Variants in FHIP2A observed in about 807,000 individuals in gnomAD.
FHIP2A encodes the protein FHF complex subunit HOOK interacting protein 2A.
A neutral mutation model predicts 93.5 loss-of-function variants in FHIP2A; 46 were observed. The ratio of observed to expected loss-of-function variants is 0.49; its 90% confidence interval spans 0.39 to 0.63. FHIP2A has a LOEUF of 0.63. FHIP2A is among the 20% of genes least tolerant of loss of function. The pLI is 0.00. For missense variants in FHIP2A, 769 were observed against 909.7 expected, an observed-to-expected ratio of 0.85 and a Z score of 1.99; for synonymous variants, 332 against 326.5, an observed-to-expected ratio of 1.02 and a Z score of -0.18.
chr10:114,825,117 A>AAACGATTCTCCTGCCTCAGCCTCC (rs1328058783), intron 1 of FHIP2A, among the ~76,000 whole-genome samples: 1 of 152,228 alleles, frequency 6.6e-6, no homozygotes, highest in Non-Finnish European at 1.5e-5. Context: ...TCCAGGGCTC[A>AAACGATTCTCCTGCCTCAGCCTCC]AACGATTCTC....
intron 13 of FHIP2A, among the ~76,000 whole-genome samples, chr10:114,851,965 T>A (rs1173872973): frequency 2.0e-5 from 3 of 152,178 alleles, no homozygotes; most frequent in Non-Finnish European, 4.4e-5. Flanking sequence ...TAAGTGAAAT[T>A]ATTTTGTGAA....
At chr10:114,851,736 A>G (rs1053866921) in intron 13 of FHIP2A, among the ~76,000 whole-genome samples, 2 of 148,388 alleles carry the variant, frequency 1.3e-5, no homozygotes, top group East Asian at 3.9e-4. Context: ...AAAAAAAAAA[A>G]GCAATTGAAA....
chr10:114,854,144 T>A (rs1005931981), intron 13 of FHIP2A, among the ~76,000 whole-genome samples: 4 of 152,006 alleles, frequency 2.6e-5, no homozygotes, highest in Admixed American at 2.0e-4. Flanking sequence ...AGGGTTTTTT[T>A]TTTTTTTTTT....
intron 1 of FHIP2A, among the ~76,000 whole-genome samples, chr10:114,827,507 C>G (rs2083583332): frequency 6.6e-6 from 1 of 152,100 alleles, no homozygotes; most frequent in African/African-American, 2.4e-5. Context: ...TAAAGAGTAT[C>G]AAGGCATAGG....
At chr10:114,883,579 T>G (rs1347298771) in intron 16 of FHIP2A, among the ~76,000 whole-genome samples, 1 of 152,164 alleles carries the variant, frequency 6.6e-6, no homozygotes, top group Non-Finnish European at 1.5e-5. Context: ...TTTATTTTTT[T>G]GTTTGTTTGT....
chr10:114,846,719 C>T lies in FHIP2A; in HGVS notation c.1559C>T (p.Ala520Val). The change falls in exon 11 of 17, where the codon GCA becomes GTA. Residue 520 changes from alanine (A) to valine (V), a missense_variant. Ala to Val is a moderately conservative substitution (Grantham distance 64). Transcript: ENST00000369248. ...DKDVVENGLI[A>V]GAVDLEEDPL... ...GATGTGGTAGAAAATGGATTGATAG[C>T]AGGAGCAGTGTAAGTTTCCATCCAA... The T allele has an allele frequency of 6.3e-7, 1 of 1,596,264 alleles. No homozygotes were observed. Among genetic ancestry groups the T allele is most frequent in the African/African-American group, 1.3e-5 (1 of 74,138 alleles).
chr10:114,836,242 T>C lies in FHIP2A; in HGVS notation c.518T>C (p.Leu173Pro). ...KQDPYLVNFF[L>P]ENKMKSLASK... ...GACCCCTACCTGGTTAACTTTTTCCTAGAGGTATGATACACTTTTTATCAA... is the reference window on the plus strand; with the variant it reads ...GACCCCTACCTGGTTAACTTTTTCCCAGAGGTATGATACACTTTTTATCAA... Residue 173 changes from leucine to proline, a missense_variant, in exon 5 of 17, where the codon CTA becomes CCA. Physicochemically the swap from Leu to Pro is moderately conservative, Grantham distance 98. Transcript: ENST00000369248. The C allele has an allele frequency of 1.3e-6, 2 of 1,589,704 alleles. No homozygotes were observed. The highest frequency in any genetic ancestry group is 1.7e-6 in the Non-Finnish European group (2 of 1,163,010).
chr10:114,848,673 C>G lies in FHIP2A; in HGVS notation c.1739C>G (p.Ala580Gly). ...NSFLCLVPDDAKSSYHVEGTG... is the reference protein window; with the variant it reads ...NSFLCLVPDDGKSSYHVEGTG... The stretch of plus-strand genomic sequence containing the variant: ...TTTCTCTGTCTGGTACCGGATGACG[C>G]AAAATCCTCCTACCATGTTGAGGGC... The change falls in exon 13 of 17, where the codon GCA (alanine) becomes GGA (glycine). Residue 580 changes from alanine to glycine, a missense_variant. Ala to Gly is a moderately conservative substitution (Grantham distance 60). Transcript: ENST00000369248. The G allele has an allele frequency of 6.2e-7, 1 of 1,612,908 alleles. No individual in the cohort carries two copies.
Position 114,864,394 on chromosome 10 carries a change from T to C in FHIP2A, c.*2854T>C, listed in dbSNP as rs2083818180. 8 of 985,522 alleles carry C rather than the reference T, an allele frequency of 8.1e-6. No homozygotes were observed. Among genetic ancestry groups the C allele is most frequent in the Non-Finnish European group, 9.6e-6 (8 of 829,688 alleles). 61.0% of individuals were successfully genotyped at this position (985,522 alleles called of 1,614,324 possible). A position where few individuals can be genotyped will look rare whatever the true frequency, so the allele number is the denominator to read the frequency against. ...TCAAATATGCATGTCATTGTGACAC[T>C]TTATGTGTTAAAACATGGTAGATAA... On this transcript the variant is annotated 3_prime_UTR_variant, in exon 17 of 17. Transcript: ENST00000369248.
intron 14 of FHIP2A, among the ~76,000 whole-genome samples, chr10:114,859,552 T>C (rs989106498): frequency 6.6e-6 from 1 of 152,198 alleles, no homozygotes; most frequent in African/African-American, 2.4e-5. Flanking sequence ...CTCCTCACTG[T>C]AGTTAGTTTT....
rs1207377336 is a variant in FHIP2A, at chr10:114,847,184, G to T, written c.1663G>T (p.Asp555Tyr). Residue 555 changes from aspartate (D) to tyrosine (Y), a missense_variant, in exon 12 of 17, where the codon GAC becomes TAC. By Grantham distance (160) the Asp-to-Tyr change is radical (BLOSUM62 -3). Transcript: ENST00000369248. ...TAGTTCTTCACCTCCTGCTACTCCA[G>T]ACCACCCCAAAAATGATGGAAAAAC... ...WLSSSPPATP[D>Y]HPKNDGKTEV... 1.9e-6 allele frequency: 3 copies of T among 1,613,618 alleles called. No individual in the cohort carries two copies. Among genetic ancestry groups the T allele is most frequent in the African/African-American group, 1.3e-5 (1 of 74,990 alleles).
chr10:114,879,133 A>C (rs1365974670), intron 16 of FHIP2A, among the ~76,000 whole-genome samples: 1 of 152,246 alleles, frequency 6.6e-6, no homozygotes, highest in East Asian at 1.9e-4. Flanking sequence ...TGAGAGAAGT[A>C]AAGTCACATT....
At position 114,864,322 on chromosome 10, in the gene FHIP2A, G is replaced by A. The variant is rs1171163025; in HGVS notation, c.*2782G>A. 2 of 985,434 alleles carry A rather than the reference G, an allele frequency of 2.0e-6. No individual in the cohort carries two copies. The highest frequency in any genetic ancestry group is 2.4e-6 in the Non-Finnish European group (2 of 829,700). 61.0% of individuals were successfully genotyped at this position (985,434 alleles called of 1,614,324 possible). A position where few individuals can be genotyped will look rare whatever the true frequency, so the allele number is the denominator to read the frequency against. ...TTGACAGAAGACGTTACAGTGAAGT[G>A]CTAAAACCACACTATATGGTAATTA... On this transcript the variant is annotated 3_prime_UTR_variant, in exon 17 of 17. Coordinates refer to ENST00000369248, the MANE Select transcript of FHIP2A (RefSeq NM_020940.4).
chr10:114,895,648 AAATTGAGGCTCCGG>A (rs2083997525), intron 16 of FHIP2A, among the ~76,000 whole-genome samples: 1 of 152,202 alleles, frequency 6.6e-6, no homozygotes, highest in Admixed American at 6.5e-5. Flanking sequence ...CAGTTGAAAA[AAATTGAGGCTCCGG>A]AATCCTTAAA....
rs200266190 is a variant in FHIP2A, at chr10:114,875,908, A to G, written c.2192+14574A>G. On this transcript the variant is annotated intron_variant, in intron 16 of 16. Coordinates refer to the FHIP2A transcript ENST00000369250. ...AGAAAGAGAGAGAAAGAAATAAAGA[A>G]AGAGAAAGAAAGAAAGAAAGAAAGA... is the stretch of plus-strand genomic sequence containing the variant. 7.2e-4 allele frequency among the ~76,000 whole-genome samples: 77 copies of G among 107,588 alleles called. 3 individuals are homozygous for G. Among genetic ancestry groups the G allele is most frequent in the East Asian group, 2.4e-3 (7 of 2,932 alleles). The allele number at this position is 107,588 out of a possible 152,430, so 70.6% of individuals were successfully genotyped here.
chr10:114,835,753 T>A, intron 4 of FHIP2A, 112 bp downstream of exon 4: 1 of 675,374 alleles, frequency 1.5e-6, no homozygotes, highest in Non-Finnish European at 2.4e-6. Context: ...AAAATTAACA[T>A]GCAAGTTAGC....
rs1245868591 is a variant in FHIP2A at position 114,838,210 on chromosome 10, A to G, written c.522+1964A>G. Among the ~76,000 whole-genome samples the G allele has an allele frequency of 8.5e-5, 13 of 152,194 alleles. 1 individual carries two copies. Among genetic ancestry groups the G allele is most frequent in the Admixed American group, 8.5e-4 (13 of 15,276 alleles). ...TCTTTGTTTGTTTTGTTATTTTTAA[A>G]TGTTAACCACTCCAATAGATGGGTT... On this transcript the variant is annotated intron_variant, in intron 5 of 16. Transcript: ENST00000369248.
In FHIP2A at chr10:114,862,140, T is replaced by C. The variant is rs182527254; in HGVS notation, c.*600T>C. The C allele has an allele frequency of 4.4e-6, 4 of 910,502 alleles. No individual in the cohort carries two copies. Among genetic ancestry groups the C allele is most frequent in the Admixed American group, 1.2e-4 (2 of 16,180 alleles). The allele number at this position is 910,502 out of a possible 1,614,324, so 56.4% of individuals were successfully genotyped here. A position where few individuals can be genotyped will look rare whatever the true frequency, so the allele number is the denominator to read the frequency against. ...TTTTAAGAATAACAATTTAATATGATAAATTCTTGATTAATATAATATATC... is the reference window on the plus strand; with the variant it reads ...TTTTAAGAATAACAATTTAATATGACAAATTCTTGATTAATATAATATATC... On this transcript the variant is annotated 3_prime_UTR_variant, in exon 17 of 17. Transcript: ENST00000369248.
chr10:114,844,849 A>C (rs972804477), intron 7 of FHIP2A, among the ~76,000 whole-genome samples: 1 of 152,036 alleles, frequency 6.6e-6, no homozygotes, highest in African/African-American at 2.4e-5. Context: ...CAGTGAAGCA[A>C]TCTTGGCTTA....
Sources: gnomAD v4.1 joint callset for allele counts (sites outside exome capture counted in the v4.1 genomes callset) on GRCh38, gnomAD v4.1.1 for gene constraint, MANE v1.5 for transcripts, NCBI Gene and HGNC (gene_info 2026-07-23, HGNC 2026-07-21) for gene names.